SCML1: variants seen among roughly 807,000 people sequenced by gnomAD.
SCML1 encodes the protein Scm polycomb group protein like 1.
For synonymous variants in SCML1, 104 were observed against 103.6 expected (o/e 1.00, Z -0.02); for missense variants, 137 against 258.1 (o/e 0.53, Z 3.22).
intron 7 of SCML1, 107 bp from the exon 8 acceptor site, chrX:17,753,151 C>T: frequency 1.8e-6 from 1 of 557,626 alleles, no homozygotes. Context: ...TATACATCTG[C>T]AATGAGCTGC....
At chrX:17,748,908 C>A (rs902319735) in intron 4 of SCML1, among the ~76,000 whole-genome samples, 1 of 112,404 alleles carries the variant, frequency 8.9e-6, no homozygotes. Flanking sequence ...TACTTTGAAG[C>A]CAAAAGTCAC....
intron 1 of SCML1, chrX:17,738,110 A>T (rs1335971331): frequency 8.9e-6 from 1 of 112,432 alleles, no homozygotes; most frequent in Non-Finnish European, 1.9e-5. Flanking sequence ...TTTGATGGTA[A>T]CCGCGTTTGA....
In SCML1 at chrX:17,741,445, C is replaced by T. The variant is rs900536743; in HGVS notation, c.-116-2626C>T. Among the ~76,000 whole-genome samples, 17 of 111,298 alleles carry T rather than the reference C, an allele frequency of 1.5e-4. No homozygotes were observed. In the Middle Eastern group the frequency reaches 0.023, roughly 152 times the overall value. On this transcript the variant is annotated intron_variant, in intron 1 of 7. Coordinates refer to ENST00000380041, the MANE Select transcript of SCML1 (RefSeq NM_001037540.3). ...TAAGAAGTGACCTCTGCGCAGTGGG[C>T]GGGGTCCTGATTATGGAAGGACCTT...
In SCML1 at chrX:17,745,440, G is replaced by C. The variant is rs377134950; in HGVS notation, c.34-16G>C. 82 of 996,510 alleles carry C rather than the reference G, an allele frequency of 8.2e-5. No individual in the cohort carries two copies. The highest frequency in any genetic ancestry group is 1.1e-4 in the Non-Finnish European group (80 of 712,467). The allele number at this position is 996,510 out of a possible 1,213,427, so 82.1% of individuals were successfully genotyped here. ...CTTTCATCTTCCCTTTTAATTTGTTGGTAAATTTTCCTCAGATAAAAACAA... is the reference window on the plus strand; with the variant it reads ...CTTTCATCTTCCCTTTTAATTTGTTCGTAAATTTTCCTCAGATAAAAACAA... On this transcript the variant is annotated splice_polypyrimidine_tract_variant and intron_variant, in intron 2 of 7. Coordinates refer to ENST00000380041, the MANE Select transcript of SCML1 (RefSeq NM_001037540.3).
intron 6 of SCML1, among the ~76,000 whole-genome samples, chrX:17,751,223 G>A (rs2066704265): frequency 1.8e-5 from 2 of 112,167 alleles, no homozygotes; most frequent in Admixed American, 1.9e-4. Context: ...AAAAAGTAAA[G>A]CGATACTAAA....
At chrX:17,750,857 G>A (rs1251487966) in intron 6 of SCML1, among the ~76,000 whole-genome samples, 3 of 112,602 alleles carry the variant, frequency 2.7e-5, no homozygotes, top group African/African-American at 9.7e-5. Flanking sequence ...GGTCCTGGTT[G>A]GAGAAACAAA....
intron 5 of SCML1, 158 bp downstream of exon 5, chrX:17,749,662 C>T (rs1053654296): frequency 2.5e-5 from 12 of 488,749 alleles, no homozygotes; most frequent in Admixed American, 4.6e-5. Context: ...GTTGGGAGAA[C>T]GCTGAAGTTT....
At chrX:17,747,797 G>C (rs1301783896) in intron 4 of SCML1, among the ~76,000 whole-genome samples, 1 of 111,997 alleles carries the variant, frequency 8.9e-6, no homozygotes. Flanking sequence ...ACTATAGCAA[G>C]GTTCTCGTCC....
chrX:17,744,088 T>C lies in SCML1; in HGVS notation c.-99T>C. 1 of 726,634 alleles carries C rather than the reference T, an allele frequency of 1.4e-6. No homozygotes were observed. Among genetic ancestry groups the C allele is most frequent in the East Asian group, 3.2e-5 (1 of 31,036 alleles). The allele number at this position is 726,634 out of a possible 1,213,427, so 59.9% of individuals were successfully genotyped here. A position where few individuals can be genotyped will look rare whatever the true frequency, so the allele number is the denominator to read the frequency against. The stretch of plus-strand genomic sequence containing the variant: ...CTTTTCAGGAGTAGAGGTTTACCAC[T>C]CTTAGGTGACTAAGCAGTATCACAA... On this transcript the variant is annotated 5_prime_UTR_variant, in exon 2 of 8. Coordinates refer to ENST00000380041, the MANE Select transcript of SCML1 (RefSeq NM_001037540.3).
chrX:17,751,031 GTC>G (rs2066702879), intron 6 of SCML1, among the ~76,000 whole-genome samples: 1 of 112,441 alleles, frequency 8.9e-6, no homozygotes, highest in Admixed American at 9.4e-5. Flanking sequence ...CAGTTAAACT[GTC>G]TCATATCTCA....
At chrX:17,749,563 C>A in intron 5 of SCML1, 59 bp downstream of exon 5, 1 of 734,855 alleles carries the variant, frequency 1.4e-6, no homozygotes, top group Non-Finnish European at 2.1e-6. Context: ...GTAAAGATGC[C>A]AATGAGCTAG....
chrX:17,741,831 C>T (rs1401791001), intron 1 of SCML1, among the ~76,000 whole-genome samples: 2 of 111,391 alleles, frequency 1.8e-5, no homozygotes, highest in Non-Finnish European at 3.8e-5. Flanking sequence ...CCCTAGTAAA[C>T]GTTCTTTGCT....
chrX:17,738,216 C>T (rs936955736), intron 1 of SCML1, among the ~76,000 whole-genome samples: 2 of 111,862 alleles, frequency 1.8e-5, no homozygotes, highest in Admixed American at 9.4e-5. Flanking sequence ...AGGCGGGAGG[C>T]GGGAGATCCT....
intron 4 of SCML1, among the ~76,000 whole-genome samples, chrX:17,747,482 A>C (rs2066653657): frequency 9.0e-6 from 1 of 111,682 alleles, no homozygotes; most frequent in East Asian, 2.8e-4. Context: ...CTGTCTCCAC[A>C]CCTGGCTTCC....
intron 2 of SCML1, chrX:17,744,540 T>G: frequency 6.0e-6 from 1 of 166,843 alleles, no homozygotes; most frequent in Non-Finnish European, 1.1e-5. Flanking sequence ...TATTCTTCTA[T>G]ATTTCTTCAT....
intron 4 of SCML1, among the ~76,000 whole-genome samples, chrX:17,746,580 C>T (rs927745474): frequency 2.7e-5 from 3 of 112,024 alleles, no homozygotes; most frequent in African/African-American, 9.8e-5. Flanking sequence ...GAGTTGCATA[C>T]CCCAGAGGTA....
chrX:17,746,520 T>A (rs1456546273), intron 4 of SCML1, among the ~76,000 whole-genome samples: 2 of 112,029 alleles, frequency 1.8e-5, no homozygotes, highest in African/African-American at 6.5e-5. Flanking sequence ...TTTGAGGAGT[T>A]GTTTTAAGAA....
intron 4 of SCML1, 96 bp from the exon 5 acceptor site, chrX:17,749,304 T>A (rs1187258222): frequency 1.9e-6 from 1 of 522,467 alleles, no homozygotes; most frequent in Non-Finnish European, 3.0e-6. Context: ...GCAGTTAACA[T>A]TTGACTTAAT....
In SCML1 at chrX:17,743,463, G is replaced by A. The variant is rs184248509; in HGVS notation, c.-116-608G>A. Among the ~76,000 whole-genome samples the A allele has an allele frequency of 3.7e-3, 418 of 112,243 alleles. 3 individuals carry two copies. Among genetic ancestry groups the A allele is most frequent in the African/African-American group, 0.013 (397 of 30,930 alleles). ...TTGCAGCCAGTTTTCTAGTTCCATA[G>A]TAAAGTGACTCAGAGCCATAACCAA... On this transcript the variant is annotated intron_variant, in intron 1 of 7. Coordinates refer to ENST00000380041, the MANE Select transcript of SCML1 (RefSeq NM_001037540.3).
Sources: allele counts gnomAD v4.1 joint callset (sites outside exome capture counted in the v4.1 genomes callset), GRCh38; gene constraint gnomAD v4.1.1; transcripts MANE v1.5; gene names NCBI Gene and HGNC (gene_info 2026-07-23, HGNC 2026-07-21).